TMEM33: variants seen among roughly 807,000 people sequenced by gnomAD.
TMEM33 encodes transmembrane protein 33.
TMEM33 carries 16 observed loss-of-function variants against 29.7 expected under a neutral mutation model. The observed-to-expected ratio is 0.54, with a 90% CI of 0.36 to 0.82. The LOEUF is 0.82. Among genes scored for constraint, TMEM33 ranks in the 40% least tolerant of loss-of-function variants. The pLI is 0.00. For missense variants in TMEM33, 252 were observed against 295.3 expected (o/e 0.85, Z 1.08); for synonymous variants, 112 against 109.4 (o/e 1.02, Z -0.15).
rs1018499858 is a variant in TMEM33, at chr4:41,960,116, T to C, written c.*5917T>C. On this transcript the variant is annotated 3_prime_UTR_variant, in exon 7 of 7. Transcript: ENST00000504986. ...CAGTTCTCCTGCATATTTGAGAAAA[T>C]GTGAAGTCCTTTCAAGAAAATCTAA... is the stretch of plus-strand genomic sequence containing the variant. 2 of 152,074 alleles carry C rather than the reference T, an allele frequency of 1.3e-5. No homozygotes were observed. Among genetic ancestry groups the C allele is most frequent in the African/African-American group, 4.8e-5 (2 of 41,410 alleles). The allele number at this position is 152,074 out of a possible 1,614,324, so 9.4% of individuals were successfully genotyped here.
chr4:41,952,822 C>G (rs1406148247), intron 6 of TMEM33, among the ~76,000 whole-genome samples: 1 of 152,050 alleles, frequency 6.6e-6, no homozygotes, highest in Non-Finnish European at 1.5e-5. Flanking sequence ...AATTTCACCA[C>G]AACTCAGAAT....
chr4:41,942,559 A>G (rs1407722990), intron 3 of TMEM33, among the ~76,000 whole-genome samples: 1 of 152,112 alleles, frequency 6.6e-6, no homozygotes, highest in Non-Finnish European at 1.5e-5. Flanking sequence ...ACAATGGTTC[A>G]TTTCTTAGGA....
rs189712376 is a variant in TMEM33, at chr4:41,938,710, A to G, written c.140+14A>G. Reference sequence around the variant, plus strand: ...GCCTCTTCTTGGGTATGTATTATACATATTGCTGCCTTTGATATTCAATTG... The same window carrying G: ...GCCTCTTCTTGGGTATGTATTATACGTATTGCTGCCTTTGATATTCAATTG... On this transcript the variant is annotated intron_variant, in intron 2 of 6. Transcript: ENST00000504986. 7.4e-6 allele frequency: 12 copies of G among 1,612,200 alleles called. No individual in the cohort carries two copies. The highest frequency in any genetic ancestry group is 6.7e-5 in the East Asian group (3 of 44,862).
chr4:41,947,876 A>G (rs1255243473), intron 5 of TMEM33, among the ~76,000 whole-genome samples: 4 of 152,224 alleles, frequency 2.6e-5, no homozygotes, highest in African/African-American at 4.8e-5. Flanking sequence ...TGCGTTGCAC[A>G]TGTGTGCAAA....
At position 41,939,352 on chromosome 4, in the gene TMEM33, A is replaced by G. The variant is rs1712405985; in HGVS notation, c.297A>G (p.Ser99=). The change falls in exon 3 of 7, where the codon TCA becomes TCG. Residue 99 remains serine, a synonymous_variant. Coordinates refer to ENST00000504986, the MANE Select transcript of TMEM33 (RefSeq NM_018126.3). ...ACAGCTGCCACTACCTGTTGTATTC[A>G]CTCATCTTTGTAAATTCCTATCCAG... ...LEDSCHYLLY[S]LIFVNSYPVT... The G allele has an allele frequency of 3.1e-6, 5 of 1,612,858 alleles. No homozygotes were observed. The highest frequency in any genetic ancestry group is 4.2e-6 in the Non-Finnish European group (5 of 1,179,716).
At chr4:41,935,148 C>T, upstream of TMEM33, 1 of 425,848 alleles carries the variant, frequency 2.3e-6, no homozygotes, top group South Asian at 2.4e-5. Context: ...CTTCCGGGTT[C>T]GGCAATAACC....
intron 6 of TMEM33, among the ~76,000 whole-genome samples, chr4:41,951,654 A>G (rs982065115): frequency 2.0e-5 from 3 of 152,218 alleles, no homozygotes; most frequent in Admixed American, 6.5e-5. Flanking sequence ...TCACTGCTGA[A>G]TAAATTAGAC....
chr4:41,937,085 C>G (rs1258226413), intron 1 of TMEM33, among the ~76,000 whole-genome samples: 1 of 149,514 alleles, frequency 6.7e-6, no homozygotes, highest in Non-Finnish European at 1.5e-5. Context: ...GATGGTTGGA[C>G]AGTTTACTCT....
At chr4:41,948,780 A>G (rs866000889) in intron 5 of TMEM33, among the ~76,000 whole-genome samples, 108 of 152,146 alleles carry the variant, frequency 7.1e-4, no homozygotes, top group Middle Eastern at 6.8e-3. Context: ...TTTCTTAGGG[A>G]AGAATTCCAG....
In TMEM33 at chr4:41,941,286, G is replaced by A. The variant is rs1712528408; in HGVS notation, c.328+1903G>A. The stretch of plus-strand genomic sequence containing the variant: ...ATCACATTTGTTTGGCATATTATTG[G>A]CTTGACCAGCCTCTGTTGATTGAAG... On this transcript the variant is annotated intron_variant, in intron 3 of 6. Transcript: ENST00000504986. 2.0e-5 allele frequency among the ~76,000 whole-genome samples: 3 copies of A among 152,082 alleles called. No individual in the cohort carries two copies. The South Asian group carries it at 6.2e-4, about 31-fold the overall frequency.
At chr4:41,947,634 TG>T (rs1712854132) in intron 5 of TMEM33, among the ~76,000 whole-genome samples, 1 of 152,150 alleles carries the variant, frequency 6.6e-6, no homozygotes, top group South Asian at 2.1e-4. Flanking sequence ...GCTTATAAAG[TG>T]GTACTTAATT....
intron 1 of TMEM33, among the ~76,000 whole-genome samples, chr4:41,937,247 T>A: frequency 6.6e-6 from 1 of 152,240 alleles, no homozygotes; most frequent in East Asian, 1.9e-4. Flanking sequence ...AAACTAACTT[T>A]CAAGCTGTGG....
chr4:41,939,372 A>G lies in TMEM33; in HGVS notation c.317A>G (p.Tyr106Cys), dbSNP rs1426809717. Residue 106 changes from tyrosine to cysteine, a missense_variant, in exon 3 of 7, where the codon TAT (tyrosine) becomes TGT (cysteine). By Grantham distance (194) the Tyr-to-Cys change is radical. Coordinates refer to ENST00000504986, the MANE Select transcript of TMEM33 (RefSeq NM_018126.3). ...TATTCACTCATCTTTGTAAATTCCT[A>G]TCCAGTTACAAGTATCCTTTTCTAC... ...LLYSLIFVNS[Y>C]PVTMSIFPVL... is the part of the protein sequence containing the mutation. 1 of 1,613,028 alleles carries G rather than the reference A, an allele frequency of 6.2e-7. No homozygotes were observed. Among genetic ancestry groups the G allele is most frequent in the East Asian group, 2.2e-5 (1 of 44,882 alleles).
chr4:41,949,438 A>G, intron 6 of TMEM33, 53 bp downstream of exon 6: 2 of 1,396,842 alleles, frequency 1.4e-6, no homozygotes, highest in Non-Finnish European at 2.0e-6. Context: ...TATTGTGAAT[A>G]TATAGTATTC....
At position 41,939,375 on chromosome 4, in the gene TMEM33, C is replaced by T. The variant is rs1712406778; in HGVS notation, c.320C>T (p.Pro107Leu). 6.2e-7 allele frequency: 1 copy of T among 1,612,566 alleles called. No homozygotes were observed. Among genetic ancestry groups the T allele is most frequent in the Admixed American group, 1.7e-5 (1 of 59,364 alleles). The change falls in exon 3 of 7, where the codon CCA becomes CTA. Residue 107 changes from proline (P) to leucine (L), a missense_variant. Physicochemically the swap from Pro to Leu is moderately conservative, Grantham distance 98. Coordinates refer to ENST00000504986, the MANE Select transcript of TMEM33 (RefSeq NM_018126.3). ...LYSLIFVNSY[P>L]VTMSIFPVLL... is the part of the protein sequence containing the mutation. ...TCACTCATCTTTGTAAATTCCTATC[C>T]AGTTACAAGTATCCTTTTCTACCTT...
At chr4:41,938,156 C>T (rs1415412629) in intron 1 of TMEM33, among the ~76,000 whole-genome samples, 1 of 152,188 alleles carries the variant, frequency 6.6e-6, no homozygotes. Flanking sequence ...CTGAGACCTA[C>T]CTATTCGGAT....
chr4:41,954,254 T>A lies in TMEM33; in HGVS notation c.*55T>A. Reference sequence around the variant, plus strand: ...TATAAGCATTATTAGCAGCTGGTACTTCTGCTAGGGGTTGTAAATTCCAGG... The same window carrying A: ...TATAAGCATTATTAGCAGCTGGTACATCTGCTAGGGGTTGTAAATTCCAGG... On this transcript the variant is annotated 3_prime_UTR_variant, in exon 7 of 7. Transcript: ENST00000504986. 6.3e-7 allele frequency: 1 copy of A among 1,582,706 alleles called. No individual in the cohort carries two copies. The highest frequency in any genetic ancestry group is 8.6e-7 in the Non-Finnish European group (1 of 1,157,402).
chr4:41,939,799 A>G, intron 3 of TMEM33: 1 of 456,616 alleles, frequency 2.2e-6, no homozygotes, highest in South Asian at 1.5e-5. Flanking sequence ...TACAAATGGA[A>G]TTTAACCAAG....
intron 3 of TMEM33, among the ~76,000 whole-genome samples, chr4:41,942,085 C>T (rs1712566214): frequency 6.6e-6 from 1 of 152,218 alleles, no homozygotes; most frequent in Non-Finnish European, 1.5e-5. Context: ...GGTATCTTGA[C>T]TCCCAATTCA....
Sources: allele counts gnomAD v4.1 joint callset (sites outside exome capture counted in the v4.1 genomes callset), GRCh38; gene constraint gnomAD v4.1.1; transcripts MANE v1.5; gene names NCBI Gene and HGNC (gene_info 2026-07-23, HGNC 2026-07-21).